The following APP variants were observed in gnomAD, a reference collection of about 807,000 sequenced individuals.
APP encodes amyloid-beta precursor protein.
In APP, 31 loss-of-function variants were observed where a neutral mutation model predicts 101.4. The observed-to-expected ratio is 0.31, with a 90% CI of 0.23 to 0.41. The LOEUF (loss-of-function observed/expected upper bound fraction) is 0.41. APP is among the 10% of genes least tolerant of loss of function. The pLI is 1.00. For missense variants in APP, 839 were observed against 1,003.7 expected, an observed-to-expected ratio of 0.84 and a Z score of 2.22; for synonymous variants, 366 against 364.4, an observed-to-expected ratio of 1.00 and a Z score of -0.05.
chr21:25,953,117 G>C (rs2041164220), intron 13 of APP, among the ~76,000 whole-genome samples: 1 of 151,424 alleles, frequency 6.6e-6, no homozygotes, highest in Admixed American at 6.6e-5. Context: ...TTTTAAATTA[G>C]AGAGGGGGTT....
intron 1 of APP, among the ~76,000 whole-genome samples, chr21:26,148,212 C>A (rs2146332104): frequency 6.6e-6 from 1 of 152,268 alleles, no homozygotes; most frequent in African/African-American, 2.4e-5. Flanking sequence ...ATGTGGTAAA[C>A]AATTATTTCA....
At chr21:25,907,693 T>C (rs1163383192) in intron 14 of APP, among the ~76,000 whole-genome samples, 1 of 152,224 alleles carries the variant, frequency 6.6e-6, no homozygotes, top group Non-Finnish European at 1.5e-5. Flanking sequence ...CTGTTACTTC[T>C]GGTATTCTTT....
At chr21:25,898,674 G>C (rs1350733537) in intron 15 of APP, among the ~76,000 whole-genome samples, 1 of 152,128 alleles carries the variant, frequency 6.6e-6, no homozygotes, top group Non-Finnish European at 1.5e-5. Flanking sequence ...CAGCTTCCCT[G>C]TAACTTCCAT....
At chr21:26,150,081 T>C (rs1485645272) in intron 1 of APP, among the ~76,000 whole-genome samples, 1 of 152,168 alleles carries the variant, frequency 6.6e-6, no homozygotes, top group Non-Finnish European at 1.5e-5. Flanking sequence ...TTAATGTTAT[T>C]ATTTTTACAT....
chr21:25,961,761 T>C (rs1432537400), intron 11 of APP, among the ~76,000 whole-genome samples: 4 of 152,306 alleles, frequency 2.6e-5, no homozygotes, highest in African/African-American at 9.6e-5. Context: ...CTCTGTTATC[T>C]CTATAGAAAC....
chr21:26,142,158 G>A (rs2063060040), intron 1 of APP, among the ~76,000 whole-genome samples: 1 of 152,212 alleles, frequency 6.6e-6, no homozygotes, highest in African/African-American at 2.4e-5. Flanking sequence ...ATGGCAACAT[G>A]CGGGGCAGTA....
At chr21:26,165,583 G>A (rs2063589083) in intron 1 of APP, among the ~76,000 whole-genome samples, 1 of 152,106 alleles carries the variant, frequency 6.6e-6, no homozygotes, top group Non-Finnish European at 1.5e-5. Flanking sequence ...ATCACGCCTG[G>A]CATCAAATTC....
intron 13 of APP, among the ~76,000 whole-genome samples, chr21:25,918,685 C>T (rs1441135780): frequency 5.3e-5 from 8 of 151,760 alleles, no homozygotes; most frequent in East Asian, 2.0e-4. Flanking sequence ...GCTTAAGAAA[C>T]GGCGCACCAC....
intron 1 of APP, among the ~76,000 whole-genome samples, chr21:26,142,492 G>A (rs1317751840): frequency 6.6e-6 from 1 of 152,192 alleles, no homozygotes; most frequent in African/African-American, 2.4e-5. Context: ...ACTGGGGCCA[G>A]GCACGGTGGT....
intron 8 of APP, among the ~76,000 whole-genome samples, chr21:25,989,885 G>C (rs2042789228): frequency 2.0e-5 from 3 of 150,974 alleles, no homozygotes; most frequent in Admixed American, 2.0e-4. Flanking sequence ...AGCTTTCCGA[G>C]TGCCATGCTT....
At chr21:25,916,425 T>G (rs917013016) in intron 13 of APP, among the ~76,000 whole-genome samples, 4 of 152,218 alleles carry the variant, frequency 2.6e-5, no homozygotes, top group African/African-American at 9.6e-5. Flanking sequence ...GACTAAGGGC[T>G]CAGGATTTTA....
intron 13 of APP, 121 bp from the exon 14 acceptor site, chr21:25,912,083 T>G: frequency 1.3e-6 from 1 of 778,278 alleles, no homozygotes; most frequent in East Asian, 2.7e-5. Flanking sequence ...ATGATCGCGT[T>G]TAGAGCCATG....
At chr21:25,969,904 A>G (rs866420973) in intron 11 of APP, among the ~76,000 whole-genome samples, 11 of 428 alleles carry the variant, frequency 0.026, no homozygotes, top group Non-Finnish European at 0.054. Context: ...TAGAGAAGAG[A>G]AGAGGGGAGG....
At chr21:26,020,828 T>A (rs1435591446) in intron 6 of APP, among the ~76,000 whole-genome samples, 5 of 152,194 alleles carry the variant, frequency 3.3e-5, no homozygotes, top group Non-Finnish European at 7.3e-5. Flanking sequence ...CAACTGAATG[T>A]TTGTTTTTAT....
chr21:25,977,634 T>G (rs1361956708), intron 9 of APP, among the ~76,000 whole-genome samples: 1 of 152,240 alleles, frequency 6.6e-6, no homozygotes, highest in Non-Finnish European at 1.5e-5. Context: ...AATTAGCTTC[T>G]TCTTGTTGTT....
chr21:26,086,562 T>TG (rs1555872733), intron 3 of APP, among the ~76,000 whole-genome samples: 3 of 149,136 alleles, frequency 2.0e-5, no homozygotes, highest in Non-Finnish European at 4.5e-5. Flanking sequence ...GCTAGGTCAG[T>TG]AAAAAAAAAA....
At chr21:25,997,615 G>C (rs2043108665) in intron 7 of APP, among the ~76,000 whole-genome samples, 199 bp from the exon 8 acceptor site, 1 of 152,106 alleles carries the variant, frequency 6.6e-6, no homozygotes, top group Admixed American at 6.5e-5. Flanking sequence ...GAGAATGCTG[G>C]ATATTTTGTC....
intron 13 of APP, among the ~76,000 whole-genome samples, chr21:25,917,789 T>C (rs1270046339): frequency 6.6e-6 from 1 of 151,298 alleles, no homozygotes; most frequent in Non-Finnish European, 1.5e-5. Context: ...AGGTCTAATA[T>C]CCAGAATCTA....
At chr21:25,889,710 A>C (rs139945569) in intron 17 of APP, among the ~76,000 whole-genome samples, 1 of 152,072 alleles carries the variant, frequency 6.6e-6, no homozygotes, top group Non-Finnish European at 1.5e-5. Flanking sequence ...GCGTGGTGGT[A>C]TGCCCCTGTA....
Sources: gnomAD v4.1 joint callset for allele counts (sites outside exome capture counted in the v4.1 genomes callset) on GRCh38, gnomAD v4.1.1 for gene constraint, MANE v1.5 for transcripts, NCBI Gene and HGNC (gene_info 2026-07-23, HGNC 2026-07-21) for gene names.